The following MGLL variants were observed in gnomAD, a reference collection of about 807,000 sequenced individuals.
MGLL encodes the protein monoglyceride lipase, also known as lysophospholipase homolog.
A neutral mutation model predicts 29.1 loss-of-function variants in MGLL; 7 were observed. That is an observed-to-expected ratio of 0.24 (90% CI 0.14 to 0.45). The LOEUF (loss-of-function observed/expected upper bound fraction) is 0.45. Ranked by LOEUF, MGLL falls within the 20% of genes least tolerant of loss-of-function variation. MGLL has a pLI of 0.99. For synonymous variants in MGLL, 148 were observed against 168.3 expected (o/e 0.88, Z 0.93); for missense variants, 356 against 413.6 (o/e 0.86, Z 1.21).
chr3:127,696,432 G>A (rs1454153445), intron 6 of MGLL, among the ~76,000 whole-genome samples: 2 of 13,578 alleles, frequency 1.5e-4, no homozygotes, highest in Non-Finnish European at 4.3e-4. Flanking sequence ...TTTTTTTTTT[G>A]AGACGGAGTC....
intron 2 of MGLL, among the ~76,000 whole-genome samples, chr3:127,782,298 A>C (rs989487220): frequency 3.3e-5 from 5 of 152,178 alleles, no homozygotes; most frequent in Non-Finnish European, 7.3e-5. Flanking sequence ...ACAAAACCTC[A>C]GCAACACCAG....
Position 127,820,811 on chromosome 3 carries a change from C to T in MGLL, c.155+883G>A, listed in dbSNP as rs546082986. 3.3e-5 allele frequency among the ~76,000 whole-genome samples: 5 copies of T among 152,312 alleles called. No individual in the cohort carries two copies. The South Asian group carries it at 6.2e-4, about 19-fold the overall frequency. ...CTGCCCTGAAGCTATGACTCTATGC[C>T]GGGTTTTAAAAGTCCATATCTCTGT... On this transcript the variant is annotated intron_variant, in intron 2 of 7. Transcript: ENST00000265052.
intron 3 of MGLL, among the ~76,000 whole-genome samples, chr3:127,741,951 C>G (rs1032455667): frequency 2.0e-5 from 3 of 152,168 alleles, no homozygotes; most frequent in Non-Finnish European, 4.4e-5. Context: ...TACATCAAGA[C>G]TCAACTACTT....
chr3:127,776,605 G>A (rs148454054), intron 3 of MGLL, among the ~76,000 whole-genome samples: 11 of 152,286 alleles, frequency 7.2e-5, no homozygotes, highest in African/African-American at 1.2e-4. Context: ...GCCTTGTGGC[G>A]CCTCTGTCCC....
Position 127,692,115 on chromosome 3 carries a change from T to TTTTTCA in MGLL, c.*82_*83insTGAAAA. 1 of 492,142 alleles carries TTTTTCA rather than the reference T, an allele frequency of 2.0e-6. No individual in the cohort carries two copies. The highest frequency in any genetic ancestry group is 3.2e-6 in the Non-Finnish European group (1 of 316,768). The allele number at this position is 492,142 out of a possible 1,614,324, so 30.5% of individuals were successfully genotyped here. A position where few individuals can be genotyped will look rare whatever the true frequency, so the allele number is the denominator to read the frequency against. ...TCTGATTTTTTTTTTTTTTTTTTTT[T>TTTTTCA]GGCAAGCCATATCTGAGAAGCCATC... is the stretch of plus-strand genomic sequence containing the variant. On this transcript the variant is annotated 3_prime_UTR_variant, in exon 8 of 8. Transcript: ENST00000265052.
intron 2 of MGLL, among the ~76,000 whole-genome samples, chr3:127,797,044 G>A (rs954182552): frequency 6.6e-6 from 1 of 152,120 alleles, no homozygotes; most frequent in African/African-American, 2.4e-5. Flanking sequence ...CTCCGTGGGA[G>A]GCCTGCAATC....
intron 5 of MGLL, among the ~76,000 whole-genome samples, chr3:127,717,036 G>A (rs1446761970): frequency 6.6e-6 from 1 of 152,184 alleles, no homozygotes; most frequent in Admixed American, 6.5e-5. Context: ...GCTGATTCCT[G>A]GAATAACAGG....
chr3:127,726,542 C>T (rs2076050689), intron 3 of MGLL, among the ~76,000 whole-genome samples: 1 of 152,062 alleles, frequency 6.6e-6, no homozygotes, highest in African/African-American at 2.4e-5. Context: ...CAGGTTCACG[C>T]CTCAGCCTCC....
intron 3 of MGLL, among the ~76,000 whole-genome samples, chr3:127,753,323 C>T (rs187043465): frequency 1.7e-4 from 26 of 152,280 alleles, no homozygotes; most frequent in African/African-American, 3.8e-4. Flanking sequence ...ACCATAGTGA[C>T]GATAATGTGC....
At chr3:127,721,306 A>G (rs551786321) in intron 4 of MGLL, 143 bp from the exon 5 acceptor site, 19 of 669,410 alleles carry the variant, frequency 2.8e-5, no homozygotes, top group South Asian at 2.6e-4. Flanking sequence ...GGCACCATCA[A>G]ATGTTGGCTA....
intron 2 of MGLL, among the ~76,000 whole-genome samples, chr3:127,794,568 GGCTGTCTTCTGTGATGTC>G: frequency 6.6e-6 from 1 of 152,234 alleles, no homozygotes; most frequent in East Asian, 1.9e-4. Context: ...TGTGATGTAA[GGCTGTCTTCTGTGATGTC>G]AGACCGTCTT....
intron 6 of MGLL, among the ~76,000 whole-genome samples, chr3:127,702,104 C>T (rs2075502381): frequency 6.6e-6 from 1 of 152,222 alleles, no homozygotes; most frequent in African/African-American, 2.4e-5. Context: ...CAAGGTCACA[C>T]TGAGGAGATG....
At chr3:127,822,122 T>C in intron 1 of MGLL, 187 bp downstream of exon 1, 2 of 710,164 alleles carry the variant, frequency 2.8e-6, no homozygotes, top group Non-Finnish European at 4.7e-6. Flanking sequence ...GGAAACTTCA[T>C]CTTAAAGACT....
At chr3:127,693,541 A>C (rs796553768) in intron 7 of MGLL, among the ~76,000 whole-genome samples, 8 of 152,010 alleles carry the variant, frequency 5.3e-5, no homozygotes, top group African/African-American at 1.9e-4. Flanking sequence ...CAGGTCCTCA[A>C]TCTCTCTCTT....
At chr3:127,777,752 C>T (rs1034832304) in intron 3 of MGLL, among the ~76,000 whole-genome samples, 8 of 141,760 alleles carry the variant, frequency 5.6e-5, no homozygotes, top group South Asian at 2.3e-4. Context: ...CTAACACATG[C>T]GCAATGAGAA....
intron 2 of MGLL, among the ~76,000 whole-genome samples, chr3:127,813,472 G>C (rs1347215110): frequency 1.3e-5 from 2 of 152,232 alleles, no homozygotes; most frequent in Non-Finnish European, 2.9e-5. Context: ...ATGGGAGACA[G>C]GGGTCTGGTA....
intron 3 of MGLL, among the ~76,000 whole-genome samples, chr3:127,754,378 TCAAAAG>T (rs2107673845): frequency 6.6e-6 from 1 of 151,916 alleles, no homozygotes; most frequent in South Asian, 2.1e-4. Flanking sequence ...ACCAGATCTA[TCAAAAG>T]CTCCACACAA....
At chr3:127,693,836 A>G (rs2075294265) in intron 7 of MGLL, among the ~76,000 whole-genome samples, 1 of 152,198 alleles carries the variant, frequency 6.6e-6, no homozygotes, top group Non-Finnish European at 1.5e-5. Flanking sequence ...TAAAGAAGCA[A>G]TGAATGGATA....
At chr3:127,694,269 G>GAAAAA (rs61437030) in intron 7 of MGLL, among the ~76,000 whole-genome samples, 2 of 67,622 alleles carry the variant, frequency 3.0e-5, no homozygotes, top group Non-Finnish European at 5.5e-5. Context: ...TACTCTGTCT[G>GAAAAA]AAAAAAAAAA....
Sources: gnomAD v4.1 joint callset for allele counts (sites outside exome capture counted in the v4.1 genomes callset) on GRCh38, gnomAD v4.1.1 for gene constraint, MANE v1.5 for transcripts, NCBI Gene and HGNC (gene_info 2026-07-23, HGNC 2026-07-21) for gene names.